PLEKHA8: variants seen among roughly 807,000 people sequenced by gnomAD.
The protein encoded by PLEKHA8 is pleckstrin homology domain-containing family A member 8.
PLEKHA8 carries 36 observed loss-of-function variants against 68.2 expected under a neutral mutation model. That is an observed-to-expected ratio of 0.53 (90% CI 0.40 to 0.70). The LOEUF is 0.70. Ranked by LOEUF, PLEKHA8 falls within the 30% of genes least tolerant of loss-of-function variation. PLEKHA8 has a pLI of 0.00. For missense variants in PLEKHA8, 505 were observed against 615.4 expected (o/e 0.82, Z 1.90); for synonymous variants, 211 against 216.1 (o/e 0.98, Z 0.20).
intron 12 of PLEKHA8, among the ~76,000 whole-genome samples, chr7:30,066,351 G>C (rs1466534905): frequency 6.6e-6 from 1 of 152,166 alleles, no homozygotes; most frequent in Admixed American, 6.5e-5. Flanking sequence ...TGCATCTCTA[G>C]TTATTGTATT....
intron 1 of PLEKHA8, among the ~76,000 whole-genome samples, chr7:30,034,251 C>T (rs995892142): frequency 7.3e-5 from 11 of 151,628 alleles, no homozygotes; most frequent in African/African-American, 1.2e-4. Flanking sequence ...TCAGGTGATC[C>T]GCCTGCCTCG....
chr7:30,031,627 G>C (rs192728528), intron 1 of PLEKHA8, among the ~76,000 whole-genome samples: 1 of 152,296 alleles, frequency 6.6e-6, no homozygotes, highest in East Asian at 1.9e-4. Flanking sequence ...TTGTGTGTGT[G>C]CATGTGGGTA....
Position 30,050,477 on chromosome 7 carries a change from A to G in PLEKHA8, c.638+3A>G. 1 of 1,561,610 alleles carries G rather than the reference A, an allele frequency of 6.4e-7. No homozygotes were observed. Among genetic ancestry groups the G allele is most frequent in the Non-Finnish European group, 8.6e-7 (1 of 1,159,410 alleles). ...CCAATTCATAATTCATTGGAAAGGT[A>G]CAGTAGCTTTTTTCTTCTTGCTAAA... On this transcript the variant is annotated splice_donor_region_variant and intron_variant, in intron 6 of 13. Coordinates refer to ENST00000449726, the MANE Select transcript of PLEKHA8 (RefSeq NM_001197026.2).
chr7:30,048,448 G>A (rs1018494953), intron 4 of PLEKHA8, among the ~76,000 whole-genome samples: 2 of 152,076 alleles, frequency 1.3e-5, no homozygotes, highest in Non-Finnish European at 2.9e-5. Flanking sequence ...ACTGTGCTTT[G>A]GAATAGACTA....
intron 13 of PLEKHA8, among the ~76,000 whole-genome samples, chr7:30,120,464 G>A (rs1796679563): frequency 6.6e-6 from 1 of 152,198 alleles, no homozygotes; most frequent in South Asian, 2.1e-4. Flanking sequence ...CACCTGTAAA[G>A]GAAAGCAATA....
chr7:30,061,024 T>C (rs755654914), intron 10 of PLEKHA8, 82 bp downstream of exon 10: 11 of 1,329,260 alleles, frequency 8.3e-6, no homozygotes, highest in Non-Finnish European at 1.2e-5. Flanking sequence ...CCAGAATAAA[T>C]CAAAAAGTGA....
At chr7:30,044,962 C>G in intron 1 of PLEKHA8, 123 bp from the exon 2 acceptor site, 1 of 558,938 alleles carries the variant, frequency 1.8e-6, no homozygotes, top group East Asian at 3.0e-5. Context: ...CTTAGAATAT[C>G]CCTGGCAATG....
intron 13 of PLEKHA8, among the ~76,000 whole-genome samples, chr7:30,115,630 A>G (rs536898686): frequency 6.6e-5 from 10 of 151,862 alleles, no homozygotes; most frequent in East Asian, 3.9e-4. Flanking sequence ...ACATACATGT[A>G]CACATACATG....
intron 1 of PLEKHA8, 49 bp downstream of exon 1, chr7:30,028,851 C>T (rs1017149436): frequency 1.6e-5 from 20 of 1,248,416 alleles, no homozygotes; most frequent in Non-Finnish European, 1.9e-5. Context: ...GGTCCTTTGT[C>T]TGCGCGGCTG....
At chr7:30,077,509 T>G (rs1171688795) in intron 13 of PLEKHA8, among the ~76,000 whole-genome samples, 2 of 152,176 alleles carry the variant, frequency 1.3e-5, no homozygotes, top group Non-Finnish European at 2.9e-5. Context: ...ATGCTTAAAA[T>G]AAGGAAAGTG....
At chr7:30,034,015 T>G (rs1442444683) in intron 1 of PLEKHA8, among the ~76,000 whole-genome samples, 9 of 85,664 alleles carry the variant, frequency 1.1e-4, no homozygotes, top group Admixed American at 6.0e-4. Context: ...GGTTTCTTTT[T>G]TTTTTTTTTT....
chr7:30,048,795 C>T (rs1296424183), intron 4 of PLEKHA8, among the ~76,000 whole-genome samples: 1 of 150,796 alleles, frequency 6.6e-6, no homozygotes, highest in Non-Finnish European at 1.5e-5. Context: ...TTTGGGTGCT[C>T]TTACTCATTC....
chr7:30,052,270 A>G (rs897981176), intron 6 of PLEKHA8, among the ~76,000 whole-genome samples: 2 of 152,214 alleles, frequency 1.3e-5, no homozygotes, highest in African/African-American at 4.8e-5. Context: ...TGGAGGCAGA[A>G]GACTGGGAGG....
intron 1 of PLEKHA8, among the ~76,000 whole-genome samples, chr7:30,034,349 A>T (rs1790898846): frequency 6.6e-6 from 1 of 152,204 alleles, no homozygotes; most frequent in South Asian, 2.1e-4. Context: ...TGTTAGATAG[A>T]TGATTTGCAA....
At chr7:30,043,603 T>C (rs1481741036) in intron 1 of PLEKHA8, among the ~76,000 whole-genome samples, 1 of 152,180 alleles carries the variant, frequency 6.6e-6, no homozygotes, top group Non-Finnish European at 1.5e-5. Flanking sequence ...GTCCTGAGTA[T>C]TGCACTTTCT....
chr7:30,064,240 A>G (rs1253084451), intron 12 of PLEKHA8, among the ~76,000 whole-genome samples: 1 of 152,244 alleles, frequency 6.6e-6, no homozygotes, highest in East Asian at 1.9e-4. Flanking sequence ...TGCATGTGAA[A>G]AAATTACAGA....
chr7:30,101,358 G>C (rs555672842), intron 13 of PLEKHA8, among the ~76,000 whole-genome samples: 1 of 152,238 alleles, frequency 6.6e-6, no homozygotes, highest in South Asian at 2.1e-4. Flanking sequence ...ATGAACAACG[G>C]GAGTTTATTT....
intron 1 of PLEKHA8, among the ~76,000 whole-genome samples, chr7:30,043,369 T>C (rs1266352115): frequency 6.6e-6 from 1 of 152,134 alleles, no homozygotes; most frequent in Non-Finnish European, 1.5e-5. Flanking sequence ...TGATTTGTGC[T>C]AGTGTAGAGA....
At chr7:30,056,742 A>AGTGT (rs70980590) in intron 9 of PLEKHA8, among the ~76,000 whole-genome samples, 860 of 74,750 alleles carry the variant, frequency 0.012, 16 homozygotes, top group Admixed American at 0.017. Context: ...AAAAAAAAAA[A>AGTGT]GTGTGTGTGT....
Sources: gnomAD v4.1 joint callset for allele counts (sites outside exome capture counted in the v4.1 genomes callset) on GRCh38, gnomAD v4.1.1 for gene constraint, MANE v1.5 for transcripts, NCBI Gene and HGNC (gene_info 2026-07-23, HGNC 2026-07-21) for gene names.